The following PPP2R2A variants were observed in gnomAD, a reference collection of about 807,000 sequenced individuals.
The protein encoded by PPP2R2A is serine/threonine-protein phosphatase 2A 55 kDa regulatory subunit B alpha isoform.
PPP2R2A carries 9 observed loss-of-function variants against 53.2 expected under a neutral mutation model. The ratio of observed to expected loss-of-function variants is 0.17; its 90% confidence interval spans 0.10 to 0.30. The LOEUF (loss-of-function observed/expected upper bound fraction) is 0.30. Ranked by LOEUF, PPP2R2A falls within the 10% of genes least tolerant of loss-of-function variation. The pLI is 1.00. For synonymous variants in PPP2R2A, 169 were observed against 174.2 expected (o/e 0.97, Z 0.23); for missense variants, 235 against 534.6 (o/e 0.44, Z 5.53).
intron 3 of PPP2R2A, among the ~76,000 whole-genome samples, chr8:26,341,282 A>G (rs1270588769): frequency 6.6e-6 from 1 of 152,198 alleles, no homozygotes; most frequent in Non-Finnish European, 1.5e-5. Context: ...GCCCTGTCTT[A>G]GAGTTTCTAA....
At position 26,362,086 on chromosome 8, in the gene PPP2R2A, A is replaced by AATTAG. The variant is rs566542341; in HGVS notation, c.638-586_638-582dup. On this transcript the variant is annotated intron_variant, in intron 6 of 9. Coordinates refer to ENST00000380737, the MANE Select transcript of PPP2R2A (RefSeq NM_002717.4). This position sits in a 1 kb window ranked among gnomAD's most constrained non-coding sequence, Gnocchi z 4.4. ...ATTTTAAGATTAGAAAAAGATTAAT[A>AATTAG]ATTAGATTAGATTAGAAAAAGATTA... is the stretch of plus-strand genomic sequence containing the variant. 2.7e-5 allele frequency among the ~76,000 whole-genome samples: 4 copies of AATTAG among 149,352 alleles called. No individual in the cohort carries two copies. Among genetic ancestry groups the AATTAG allele is most frequent in the South Asian group, 2.1e-4 (1 of 4,820 alleles).
intron 3 of PPP2R2A, among the ~76,000 whole-genome samples, chr8:26,344,327 G>A (rs1209650522): frequency 6.6e-6 from 1 of 152,136 alleles, no homozygotes; most frequent in Non-Finnish European, 1.5e-5. Flanking sequence ...TAGGTAAGTG[G>A]GTAAAAGCTA....
At chr8:26,310,633 G>A (rs534898509) in intron 2 of PPP2R2A, among the ~76,000 whole-genome samples, 3 of 150,288 alleles carry the variant, frequency 2.0e-5, no homozygotes, top group South Asian at 4.2e-4. Flanking sequence ...TCTGGAAATG[G>A]GATTGCTGGG....
At chr8:26,334,483 C>T (rs1213053789) in intron 2 of PPP2R2A, among the ~76,000 whole-genome samples, 2 of 152,156 alleles carry the variant, frequency 1.3e-5, no homozygotes, top group Non-Finnish European at 2.9e-5. Flanking sequence ...CGGTGGCTCA[C>T]GCCTGAAATT....
chr8:26,361,553 G>A (rs1031131096), intron 6 of PPP2R2A, among the ~76,000 whole-genome samples: 8 of 152,090 alleles, frequency 5.3e-5, no homozygotes, highest in African/African-American at 1.4e-4. Context: ...TTTACAGTGA[G>A]CTTGATTGTG....
At chr8:26,340,518 G>T (rs1165314114) in intron 3 of PPP2R2A, among the ~76,000 whole-genome samples, 1 of 151,980 alleles carries the variant, frequency 6.6e-6, no homozygotes, top group East Asian at 1.9e-4. Flanking sequence ...CGTAAAAATT[G>T]ATTTTGCCCT....
Position 26,360,969 on chromosome 8 carries a change from G to C in PPP2R2A, c.460-5G>C, listed in dbSNP as rs917557005. On this transcript the variant is annotated splice_polypyrimidine_tract_variant and splice_region_variant and intron_variant, in intron 5 of 9. Transcript: ENST00000380737. This position sits in a 1 kb window ranked among gnomAD's most constrained non-coding sequence, Gnocchi z 4.5. ...ATTTCTGTTTTTCATGTGTCTTATT[G>C]ACAGGTGCCAGTCTTTAGGCCTATG... 3.8e-6 allele frequency: 6 copies of C among 1,583,144 alleles called. No individual in the cohort carries two copies. Among genetic ancestry groups the C allele is most frequent in the Admixed American group, 2.0e-5 (1 of 49,342 alleles).
In PPP2R2A at chr8:26,323,817, G is replaced by T. The variant is rs143568643; in HGVS notation, c.83-15073G>T. Among the ~76,000 whole-genome samples, 43 of 152,260 alleles carry T rather than the reference G, an allele frequency of 2.8e-4. 1 individual carries two copies. The highest frequency in any genetic ancestry group is 9.6e-4 in the African/African-American group (40 of 41,560). ...ATTATGATTAAGTCATTGGCCGTTTGTGATCTGCTCAGTCTTCAGCCCCAC... is the reference window on the plus strand; with the variant it reads ...ATTATGATTAAGTCATTGGCCGTTTTTGATCTGCTCAGTCTTCAGCCCCAC... On this transcript the variant is annotated intron_variant, in intron 2 of 9. Coordinates refer to ENST00000380737, the MANE Select transcript of PPP2R2A (RefSeq NM_002717.4).
At chr8:26,335,566 G>A (rs1563306089) in intron 2 of PPP2R2A, among the ~76,000 whole-genome samples, 1 of 152,172 alleles carries the variant, frequency 6.6e-6, no homozygotes, top group African/African-American at 2.4e-5. Flanking sequence ...CAGATAAAAA[G>A]TGACTTGGTT....
intron 2 of PPP2R2A, among the ~76,000 whole-genome samples, chr8:26,327,735 G>C (rs1313863571): frequency 6.6e-6 from 1 of 152,124 alleles, no homozygotes; most frequent in Non-Finnish European, 1.5e-5. Context: ...CTTATATTGG[G>C]AAGAAATTGG....
At chr8:26,314,972 A>G (rs1280482227) in intron 2 of PPP2R2A, among the ~76,000 whole-genome samples, 1 of 118,138 alleles carries the variant, frequency 8.5e-6, no homozygotes, top group Non-Finnish European at 1.7e-5. Context: ...CAACTCTTTC[A>G]TTTATTTTTA....
intron 2 of PPP2R2A, among the ~76,000 whole-genome samples, chr8:26,314,405 C>G (rs959463703): frequency 6.6e-6 from 1 of 152,146 alleles, no homozygotes; most frequent in East Asian, 1.9e-4. Flanking sequence ...TCATCATCAT[C>G]GTGGGAATTC....
At chr8:26,332,313 A>G (rs935074821) in intron 2 of PPP2R2A, among the ~76,000 whole-genome samples, 1 of 150,910 alleles carries the variant, frequency 6.6e-6, no homozygotes, top group Non-Finnish European at 1.5e-5. Context: ...GTGAGCTGAG[A>G]TCATGCCACT....
At chr8:26,303,748 AT>A (rs1236961054) in intron 2 of PPP2R2A, among the ~76,000 whole-genome samples, 1 of 152,150 alleles carries the variant, frequency 6.6e-6, no homozygotes, top group Non-Finnish European at 1.5e-5. Context: ...ACTGAATGTA[AT>A]TTAAAAAAAA....
intron 2 of PPP2R2A, among the ~76,000 whole-genome samples, chr8:26,317,250 C>G (rs1415794726): frequency 6.6e-6 from 1 of 152,112 alleles, no homozygotes; most frequent in African/African-American, 2.4e-5. Context: ...TCTTGACTAC[C>G]CTGTGTAAAT....
Position 26,291,508 on chromosome 8 carries a change from A to G in PPP2R2A, c.-312A>G. 1 of 230,308 alleles carries G rather than the reference A, an allele frequency of 4.3e-6. No individual in the cohort carries two copies. 14.3% of individuals were successfully genotyped at this position (230,308 alleles called of 1,614,324 possible). On this transcript the variant is annotated 5_prime_UTR_variant, in exon 1 of 10. Coordinates refer to ENST00000380737, the MANE Select transcript of PPP2R2A (RefSeq NM_002717.4). The stretch of plus-strand genomic sequence containing the variant: ...CGCCCCCTAGGTGACGTCACTGGCC[A>G]GGCCAGCCGGCGCCATTTTGAAAGT...
At chr8:26,342,562 C>T (rs1325406263) in intron 3 of PPP2R2A, among the ~76,000 whole-genome samples, 3 of 152,022 alleles carry the variant, frequency 2.0e-5, no homozygotes, top group Non-Finnish European at 4.4e-5. Context: ...TGTGATGTAC[C>T]CTGTAAGGTA....
In PPP2R2A at chr8:26,372,178, T is replaced by G. The variant is rs1213961551; in HGVS notation, c.*1765T>G. Reference sequence around the variant, plus strand: ...CTGTATCTTTTGGATTTAACAAATTTGTATTTGAAACACATTCTATGTCTG... The same window carrying G: ...CTGTATCTTTTGGATTTAACAAATTGGTATTTGAAACACATTCTATGTCTG... On this transcript the variant is annotated 3_prime_UTR_variant, in exon 10 of 10. Transcript: ENST00000380737. 1.3e-5 allele frequency: 2 copies of G among 152,234 alleles called. No individual in the cohort carries two copies. Among genetic ancestry groups the G allele is most frequent in the Non-Finnish European group, 2.9e-5 (2 of 68,040 alleles). 9.4% of individuals were successfully genotyped at this position (152,234 alleles called of 1,614,324 possible). A position where few individuals can be genotyped will look rare whatever the true frequency, so the allele number is the denominator to read the frequency against.
intron 3 of PPP2R2A, among the ~76,000 whole-genome samples, chr8:26,350,137 G>A (rs193034815): frequency 7.9e-5 from 12 of 151,956 alleles, no homozygotes; most frequent in African/African-American, 1.4e-4. Context: ...TGTGATCTTC[G>A]CTCACTGCAA....
Sources: gnomAD v4.1 joint callset for allele counts (sites outside exome capture counted in the v4.1 genomes callset) on GRCh38, gnomAD v4.1.1 for gene constraint, Gnocchi (gnomAD v3.1) non-coding constraint, MANE v1.5 for transcripts, NCBI Gene and HGNC (gene_info 2026-07-23, HGNC 2026-07-21) for gene names.